The following TRHDE variants were observed in gnomAD, a reference collection of about 807,000 sequenced individuals.
TRHDE encodes thyrotropin releasing hormone degrading enzyme.
In TRHDE, 72 loss-of-function variants were observed where a neutral mutation model predicts 125.7. That is an observed-to-expected ratio of 0.57 (90% CI 0.47 to 0.70). The LOEUF (loss-of-function observed/expected upper bound fraction) is 0.70. Among genes scored for constraint, TRHDE ranks in the 30% least tolerant of loss-of-function variants. The pLI is 0.00. For synonymous variants in TRHDE, 509 were observed against 509.1 expected (o/e 1.00, Z 0.00); for missense variants, 1,110 against 1,327.1 (o/e 0.84, Z 2.54).
chr12:72,416,315 G>C (rs992973886), intron 3 of TRHDE, among the ~76,000 whole-genome samples: 3 of 151,958 alleles, frequency 2.0e-5, no homozygotes, highest in African/African-American at 7.2e-5. Context: ...CAGATGGGTA[G>C]CTTGCAAATA....
At chr12:72,493,786 T>C (rs541816080) in intron 5 of TRHDE, among the ~76,000 whole-genome samples, 18 of 152,134 alleles carry the variant, frequency 1.2e-4, no homozygotes, top group Non-Finnish European at 1.5e-5. Flanking sequence ...TTCCCACTTA[T>C]TCTTTCTGTC....
chr12:72,300,362 G>A (rs1565689474), intron 2 of TRHDE, among the ~76,000 whole-genome samples: 1 of 73,002 alleles, frequency 1.4e-5, no homozygotes, highest in African/African-American at 5.0e-5. Context: ...AAATATATGT[G>A]TATACACACA....
intron 15 of TRHDE, among the ~76,000 whole-genome samples, chr12:72,642,415 A>G (rs78981419): frequency 0.012 from 1,797 of 152,338 alleles, 22 homozygotes; most frequent in Non-Finnish European, 0.017. Flanking sequence ...GTGTTATCGT[A>G]CAAAGAACTC....
chr12:72,508,485 A>G (rs1456190074), intron 6 of TRHDE, among the ~76,000 whole-genome samples: 3 of 152,196 alleles, frequency 2.0e-5, no homozygotes, highest in Non-Finnish European at 4.4e-5. Context: ...TCAGACTTAC[A>G]TGGGGCCTGT....
At chr12:72,417,920 G>A (rs1324177369) in intron 3 of TRHDE, among the ~76,000 whole-genome samples, 1 of 151,964 alleles carries the variant, frequency 6.6e-6, no homozygotes, top group African/African-American at 2.4e-5. Flanking sequence ...GCAGAAAACT[G>A]TAGGTTTAAT....
intron 2 of TRHDE, among the ~76,000 whole-genome samples, chr12:72,319,728 A>T (rs963395722): frequency 1.8e-4 from 27 of 152,334 alleles, no homozygotes; most frequent in Admixed American, 8.5e-4. Context: ...ACTGAGAGAT[A>T]ATAAGAACCA....
chr12:72,453,415 C>T (rs545126348), intron 3 of TRHDE, among the ~76,000 whole-genome samples: 1 of 152,168 alleles, frequency 6.6e-6, no homozygotes, highest in South Asian at 2.1e-4. Flanking sequence ...CTTCTAATAG[C>T]CTAGCTCAGA....
chr12:72,339,785 C>G (rs1869997399), intron 2 of TRHDE, among the ~76,000 whole-genome samples: 1 of 152,138 alleles, frequency 6.6e-6, no homozygotes, highest in Non-Finnish European at 1.5e-5. Flanking sequence ...GCTCACCTAT[C>G]CCCCACCCAT....
Position 72,135,877 on chromosome 12 carries a change from A to G in TRHDE, n.279+30125A>G, listed in dbSNP as rs138000299. On this transcript the variant is annotated intron_variant and non_coding_transcript_variant, in intron 2 of 4. Transcript: ENST00000548156. ...ATTCTCTATGATTTTTTTTTTTGTGATCAGTACTGACATCACGGTACTGGG... is the reference window on the plus strand; with the variant it reads ...ATTCTCTATGATTTTTTTTTTTGTGGTCAGTACTGACATCACGGTACTGGG... 3.4e-3 allele frequency among the ~76,000 whole-genome samples: 508 copies of G among 149,560 alleles called. 1 individual carries two copies. Among genetic ancestry groups the G allele is most frequent in the South Asian group, 0.031 (147 of 4,734 alleles).
At chr12:72,604,034 C>G (rs1424045876) in intron 12 of TRHDE, among the ~76,000 whole-genome samples, 2 of 151,710 alleles carry the variant, frequency 1.3e-5, no homozygotes, top group African/African-American at 4.8e-5. Context: ...TTTACTTACA[C>G]TTGGAATCAA....
At chr12:72,446,859 C>G (rs1051325844) in intron 3 of TRHDE, among the ~76,000 whole-genome samples, 3 of 152,122 alleles carry the variant, frequency 2.0e-5, no homozygotes, top group Non-Finnish European at 4.4e-5. Context: ...CACCCAGATT[C>G]ATAAAGCAAG....
intron 3 of TRHDE, among the ~76,000 whole-genome samples, chr12:72,381,341 G>T (rs1408936557): frequency 6.6e-6 from 1 of 151,908 alleles, no homozygotes; most frequent in Non-Finnish European, 1.5e-5. Context: ...GATGTTAACA[G>T]TTAGAGGTCA....
intron 2 of TRHDE, among the ~76,000 whole-genome samples, chr12:72,200,310 G>T (rs1877530758): frequency 6.6e-6 from 1 of 152,156 alleles, no homozygotes; most frequent in African/African-American, 2.4e-5. Flanking sequence ...AGATAGAAAA[G>T]ATAGTGAGGA....
chr12:72,664,725 AATC>A lies in TRHDE; in HGVS notation c.*1533_*1535del, dbSNP rs1875050255. 6 of 152,088 alleles carry A rather than the reference AATC, an allele frequency of 3.9e-5. No homozygotes were observed. In the South Asian group the frequency reaches 1.2e-3, roughly 31 times the overall value. 9.4% of individuals were successfully genotyped at this position (152,088 alleles called of 1,614,324 possible). ...GTTTTTCACTCCACCAAATCTTACAAATCATTGAAAGAAATATATTCTAACAGT... is the reference window on the plus strand; with the variant it reads ...GTTTTTCACTCCACCAAATCTTACAAATTGAAAGAAATATATTCTAACAGT... On this transcript the variant is annotated 3_prime_UTR_variant, in exon 19 of 19. Coordinates refer to ENST00000261180, the MANE Select transcript of TRHDE (RefSeq NM_013381.3).
intron 1 of TRHDE, among the ~76,000 whole-genome samples, chr12:72,091,003 G>A (rs1874777541): frequency 6.6e-6 from 1 of 151,980 alleles, no homozygotes; most frequent in Admixed American, 6.6e-5. Flanking sequence ...CTGAGTAGCT[G>A]GAACTAGAGG....
At chr12:72,180,204 C>A (rs1236412808) in intron 2 of TRHDE, among the ~76,000 whole-genome samples, 1 of 151,714 alleles carries the variant, frequency 6.6e-6, no homozygotes, top group Non-Finnish European at 1.5e-5. Flanking sequence ...GTTTTTAGAG[C>A]TTTGTTATAT....
intron 12 of TRHDE, among the ~76,000 whole-genome samples, chr12:72,590,623 G>A (rs1372207674): frequency 6.6e-6 from 1 of 151,900 alleles, no homozygotes; most frequent in Non-Finnish European, 1.5e-5. Context: ...TATTTTATCT[G>A]CTATTAATAT....
intron 3 of TRHDE, among the ~76,000 whole-genome samples, chr12:72,419,319 A>G (rs952963861): frequency 6.6e-6 from 1 of 152,194 alleles, no homozygotes; most frequent in Non-Finnish European, 1.5e-5. Context: ...TGTGTGACCA[A>G]TTGTCTTAGT....
intron 2 of TRHDE, among the ~76,000 whole-genome samples, chr12:72,316,553 C>T (rs1197648479): frequency 1.3e-5 from 2 of 152,156 alleles, no homozygotes; most frequent in East Asian, 3.9e-4. Flanking sequence ...CAAACTCCAC[C>T]TCATTCCGAA....
Sources: allele counts gnomAD v4.1 joint callset (sites outside exome capture counted in the v4.1 genomes callset), GRCh38; gene constraint gnomAD v4.1.1; transcripts MANE v1.5; gene names NCBI Gene and HGNC (gene_info 2026-07-23, HGNC 2026-07-21).